The following PTBP1 variants were observed in gnomAD, a reference collection of about 807,000 sequenced individuals.
PTBP1 encodes the protein polypyrimidine tract binding protein 1.
In PTBP1, 8 loss-of-function variants were observed where a neutral mutation model predicts 59.8. The observed-to-expected ratio is 0.13, with a 90% CI of 0.08 to 0.24. The LOEUF is 0.24. Ranked by LOEUF, PTBP1 falls within the 10% of genes least tolerant of loss-of-function variation. The pLI, the probability that PTBP1 is intolerant of heterozygous loss-of-function variation, is 1.00. For missense variants in PTBP1, 686 were observed against 767.0 expected (o/e 0.89, Z 1.25); for synonymous variants, 490 against 320.7 (o/e 1.53, Z -5.64).
rs376610150 is a variant in PTBP1 at position 799,327 on chromosome 19, G to A, written c.9-86G>A. On this transcript the variant is annotated intron_variant, in intron 1 of 14. Coordinates refer to ENST00000356948, the MANE Select transcript of PTBP1 (RefSeq NM_002819.5). Reference sequence around the variant, plus strand: ...GGAGGTGGCAGCTGCAGGGACCTACGGGCTCTCCTGGCCCGGGGACAGCTG... The same window carrying A: ...GGAGGTGGCAGCTGCAGGGACCTACAGGCTCTCCTGGCCCGGGGACAGCTG... The A allele has an allele frequency of 1.2e-5, 15 of 1,271,178 alleles. No homozygotes were observed. In the East Asian group the frequency reaches 1.6e-4, roughly 14 times the overall value. The allele number at this position is 1,271,178 out of a possible 1,614,324, so 78.7% of individuals were successfully genotyped here.
intron 2 of PTBP1, among the ~76,000 whole-genome samples, chr19:799,704 A>G (rs1387257331): frequency 1.3e-5 from 2 of 152,166 alleles, no homozygotes; most frequent in Non-Finnish European, 2.9e-5. Context: ...GTCAGCAGCG[A>G]GGGCTCTGTG....
At chr19:800,237 A>G (rs762657653) in intron 2 of PTBP1, among the ~76,000 whole-genome samples, 6 of 151,834 alleles carry the variant, frequency 4.0e-5, no homozygotes, top group Non-Finnish European at 8.8e-5. Flanking sequence ...CCCGGCTGAC[A>G]TTAAGTATCT....
At chr19:809,458 CTA>C (rs1220380376) in intron 13 of PTBP1, among the ~76,000 whole-genome samples, 2 of 152,050 alleles carry the variant, frequency 1.3e-5, no homozygotes, top group East Asian at 1.9e-4. Context: ...CTGGGAGGGA[CTA>C]TAGGTGCCCG....
chr19:803,384 G>C lies in PTBP1; in HGVS notation c.40-177G>C, dbSNP rs139698326. ...TTTGGTCGTGGAGCTGTGGGGTGCC[G>C]TGCGCGTCCATGGGCTGGGTCTGCG... On this transcript the variant is annotated intron_variant, in intron 2 of 14. Coordinates refer to ENST00000356948, the MANE Select transcript of PTBP1 (RefSeq NM_002819.5). Among the ~76,000 whole-genome samples, 1,032 of 152,278 alleles carry C rather than the reference G, an allele frequency of 6.8e-3. 14 individuals carry two copies. Among genetic ancestry groups the C allele is most frequent in the African/African-American group, 0.023 (975 of 41,552 alleles).
intron 11 of PTBP1, 96 bp downstream of exon 11, chr19:807,998 G>C (rs2145022538): frequency 8.8e-7 from 1 of 1,138,012 alleles, no homozygotes; most frequent in Non-Finnish European, 1.3e-6. Flanking sequence ...TTGGCACTCT[G>C]ATGCTCCGTG....
intron 9 of PTBP1, 45 bp from the exon 10 acceptor site, chr19:806,363 T>G: frequency 6.4e-7 from 1 of 1,561,514 alleles, no homozygotes; most frequent in East Asian, 2.5e-5. Context: ...CACTCTGCGG[T>G]GGAGTCGGGG....
rs368491433 is a variant in PTBP1 at position 805,001 on chromosome 19, C to T, written c.718-12C>T. The T allele has an allele frequency of 5.0e-6, 8 of 1,613,214 alleles. No homozygotes were observed. The East Asian group carries it at 1.6e-4, about 31-fold the overall frequency. On this transcript the variant is annotated splice_polypyrimidine_tract_variant and intron_variant, in intron 7 of 14. Transcript: ENST00000356948. ...CTGGCCCGGCGACGTCTCACGGTCC[C>T]TCTCCCCTCAGTCGCTGGACGGGCA... is the stretch of plus-strand genomic sequence containing the variant.
At position 797,600 on chromosome 19, in the gene PTBP1, C is replaced by A. The variant is rs925447710; in HGVS notation, c.8+95C>A. ...GCCTCCCCGGGGCCGATCTCGCCCCCTCTCGGGCGGGAGGGGGCGGCGGGC... is the reference window on the plus strand; with the variant it reads ...GCCTCCCCGGGGCCGATCTCGCCCCATCTCGGGCGGGAGGGGGCGGCGGGC... On this transcript the variant is annotated intron_variant, in intron 1 of 14. Transcript: ENST00000356948. The A allele has an allele frequency of 1.8e-5, 16 of 890,610 alleles. No homozygotes were observed. The African/African-American group carries it at 2.0e-4, about 11-fold the overall frequency. 55.2% of individuals were successfully genotyped at this position (890,610 alleles called of 1,614,324 possible).
chr19:809,094 C>T (rs1462112209), intron 13 of PTBP1, among the ~76,000 whole-genome samples: 4 of 151,710 alleles, frequency 2.6e-5, no homozygotes, highest in Middle Eastern at 3.5e-3. Flanking sequence ...CTGCAACCTC[C>T]GCCTCTTGGG....
chr19:807,034 T>C (rs2034614384), intron 10 of PTBP1: 1 of 153,214 alleles, frequency 6.5e-6, no homozygotes, highest in Non-Finnish European at 1.5e-5. Flanking sequence ...ATGTAACTCT[T>C]GATGGATGGG....
In PTBP1 at chr19:799,459, T is replaced by TTTG. The variant is rs779606201; in HGVS notation, c.39+17_39+19dup. ...TGGTACAAAGGTAGGCACTTCTCAC[T>TTTG]TTGCTTCTCCGTGACGCTCCTCTGA... is the stretch of plus-strand genomic sequence containing the variant. On this transcript the variant is annotated intron_variant, in intron 2 of 14. Coordinates refer to ENST00000356948, the MANE Select transcript of PTBP1 (RefSeq NM_002819.5). 1.8e-4 allele frequency: 284 copies of TTTG among 1,613,424 alleles called. No individual in the cohort carries two copies. In the African/African-American group the frequency reaches 3.3e-3, roughly 19 times the overall value.
intron 10 of PTBP1, chr19:807,143 A>G (rs2034619893): frequency 6.6e-6 from 1 of 152,338 alleles, no homozygotes; most frequent in Non-Finnish European, 1.5e-5. Flanking sequence ...GCGGGGGCCC[A>G]GGACGCACTC....
Position 797,579 on chromosome 19 carries a change from C to T in PTBP1, c.8+74C>T, listed in dbSNP as rs1194004600. The T allele has an allele frequency of 9.9e-6, 11 of 1,110,948 alleles. No homozygotes were observed. In the Admixed American group the frequency reaches 3.1e-4, roughly 31 times the overall value. The allele number at this position is 1,110,948 out of a possible 1,614,324, so 68.8% of individuals were successfully genotyped here. A position where few individuals can be genotyped will look rare whatever the true frequency, so the allele number is the denominator to read the frequency against. ...CCTGCCCCCGCCGCCGCGCCGGCCTCCCCGGGGCCGATCTCGCCCCCTCTC... is the reference window on the plus strand; with the variant it reads ...CCTGCCCCCGCCGCCGCGCCGGCCTTCCCGGGGCCGATCTCGCCCCCTCTC... On this transcript the variant is annotated intron_variant, in intron 1 of 14. Coordinates refer to ENST00000356948, the MANE Select transcript of PTBP1 (RefSeq NM_002819.5).
At chr19:806,590 C>G in intron 10 of PTBP1, 34 bp downstream of exon 10, 1 of 1,466,200 alleles carries the variant, frequency 6.8e-7, no homozygotes, top group Non-Finnish European at 9.0e-7. Context: ...CGCCGTTCCT[C>G]CCGGAAGAGC....
chr19:801,040 C>T (rs2034309892), intron 2 of PTBP1, among the ~76,000 whole-genome samples: 1 of 151,548 alleles, frequency 6.6e-6, no homozygotes, highest in Non-Finnish European at 1.5e-5. Flanking sequence ...CCAGGGAGCC[C>T]TCAGCTGACC....
chr19:806,339 G>C lies in PTBP1; in HGVS notation c.971-69G>C. 2.0e-6 allele frequency: 3 copies of C among 1,490,332 alleles called. No individual in the cohort carries two copies. In the Admixed American group the frequency reaches 6.8e-5, roughly 34 times the overall value. The allele number at this position is 1,490,332 out of a possible 1,614,324, so 92.3% of individuals were successfully genotyped here. On this transcript the variant is annotated intron_variant, in intron 9 of 14. Coordinates refer to ENST00000356948, the MANE Select transcript of PTBP1 (RefSeq NM_002819.5). ...GCTCCTCGGTGCATGAGGACGGGGA[G>C]CGTCGGCCTCTCCCACTCTGCGGTG...
chr19:803,968 A>T (rs969579692), intron 3 of PTBP1, 68 bp from the exon 4 acceptor site: 3 of 1,578,570 alleles, frequency 1.9e-6, no homozygotes, highest in Non-Finnish European at 2.6e-6. Context: ...CTCTAGGGGG[A>T]TAGCAGGGAC....
rs199821886 is a variant in PTBP1, at chr19:804,988, C to T, written c.718-25C>T. ...GCCCGCCCTGGCCCTGGCCCGGCGA[C>T]GTCTCACGGTCCCTCTCCCCTCAGT... On this transcript the variant is annotated intron_variant, in intron 7 of 14. Coordinates refer to ENST00000356948, the MANE Select transcript of PTBP1 (RefSeq NM_002819.5). 1.8e-4 allele frequency: 291 copies of T among 1,612,466 alleles called. 1 individual carries two copies. Among genetic ancestry groups the T allele is most frequent in the African/African-American group, 4.8e-4 (36 of 74,998 alleles).
intron 1 of PTBP1, 124 bp downstream of exon 1, chr19:797,629 C>T (rs1479038151): frequency 3.6e-6 from 2 of 558,580 alleles, no homozygotes; most frequent in Non-Finnish European, 5.1e-6. Flanking sequence ...GGCGGGCTCT[C>T]CCCTTCCTCT....
Sources: allele counts gnomAD v4.1 joint callset (sites outside exome capture counted in the v4.1 genomes callset), GRCh38; gene constraint gnomAD v4.1.1; transcripts MANE v1.5; gene names NCBI Gene and HGNC (gene_info 2026-07-23, HGNC 2026-07-21).